Variants in ABCD4 observed in about 807,000 individuals in gnomAD.
ABCD4 encodes the protein ATP binding cassette subfamily D member 4.
Under a neutral mutation model 86.3 loss-of-function variants are expected in ABCD4, and 53 were observed. The ratio of observed to expected loss-of-function variants is 0.61; its 90% confidence interval spans 0.49 to 0.77. The LOEUF (loss-of-function observed/expected upper bound fraction) is 0.77, where lower values mean the gene tolerates loss of function less well. Among genes scored for constraint, ABCD4 ranks in the 30% least tolerant of loss-of-function variants. The probability of loss-of-function intolerance (pLI) is 0.00; values close to 1 mark genes in which losing one functional copy is unlikely to be tolerated. For missense variants in ABCD4, 757 were observed against 764.5 expected, an observed-to-expected ratio of 0.99 and a Z score of 0.12; for synonymous variants, 328 against 313.6, an observed-to-expected ratio of 1.05 and a Z score of -0.49.
chr14:74,299,558 A>G lies in ABCD4; in HGVS notation c.275T>C (p.Leu92Pro). 1 of 1,613,768 alleles carries G rather than the reference A, an allele frequency of 6.2e-7. No homozygotes were observed. The highest frequency in any genetic ancestry group is 8.5e-7 in the Non-Finnish European group (1 of 1,179,764). Residue 92 changes from leucine to proline, a missense_variant, in exon 3 of 19, where the codon CTG becomes CCG. By Grantham distance (98) the Leu-to-Pro change is moderately conservative. Transcript: ENST00000356924. ...LTFLAVMLIV[L>P]NSTLKSFDQF... ...AGGGAAAGATCTTACCGTGGAGTTCAGAACAATGAGCATGACAGCCAGGAA... is the reference window on the plus strand; with the variant it reads ...AGGGAAAGATCTTACCGTGGAGTTCGGAACAATGAGCATGACAGCCAGGAA...
rs904522797 is a variant in ABCD4 at position 74,293,176 on chromosome 14, C to T, written c.792G>A (p.Met264Ile). The T allele has an allele frequency of 3.7e-6, 6 of 1,614,036 alleles. No homozygotes were observed. The African/African-American group carries it at 6.7e-5, about 18-fold the overall frequency. Residue 264 changes from methionine to isoleucine, a missense_variant, in exon 8 of 19, where the codon ATG becomes ATA. Physicochemically the swap from Met to Ile is conservative, Grantham distance 10 (BLOSUM62 1). Coordinates refer to ENST00000356924, the MANE Select transcript of ABCD4 (RefSeq NM_005050.4). Reference sequence around the variant, plus strand: ...TACTGTACAGCCAGAGCTCCTTGGACATCAGCTCCCTCTGGGTCTGAAGGA... The same window carrying T: ...TACTGTACAGCCAGAGCTCCTTGGATATCAGCTCCCTCTGGGTCTGAAGGA... Reference protein sequence around the residue: ...QRLLQTQRELMSKELWLYIGI... With the variant: ...QRLLQTQRELISKELWLYIGI...
In ABCD4 at chr14:74,292,875, G is replaced by GA; in HGVS notation, c.815-7dup. On this transcript the variant is annotated splice_region_variant and splice_polypyrimidine_tract_variant and intron_variant, in intron 8 of 18. Transcript: ENST00000356924. ...GTCAAAGGTGTTGATGCCGACTGTAGAAAACACATCTGTGAGACACCCAGG... is the reference window on the plus strand; with the variant it reads ...GTCAAAGGTGTTGATGCCGACTGTAGAAAAACACATCTGTGAGACACCCAGG... 6 of 1,614,118 alleles carry GA rather than the reference G, an allele frequency of 3.7e-6. No homozygotes were observed. The highest frequency in any genetic ancestry group is 4.2e-6 in the Non-Finnish European group (5 of 1,180,038).
chr14:74,287,821 G>A lies in ABCD4; in HGVS notation c.1625C>T (p.Pro542Leu), dbSNP rs1178058556. The change falls in exon 17 of 19, where the codon CCG (proline) becomes CTG (leucine). Residue 542 changes from proline to leucine, a missense_variant. Pro to Leu is a moderately conservative substitution (Grantham distance 98, BLOSUM62 -3). Transcript: ENST00000356924. ...LSFARLFYLQPKYAVLDEATS... is the reference protein window; with the variant it reads ...LSFARLFYLQLKYAVLDEATS... ...AGGCGAGACCTCACCTGCGTACTTC[G>A]GCTGCAGGTAGAAGAGTCGGGCAAA... is the stretch of plus-strand genomic sequence containing the variant. 6 of 1,612,054 alleles carry A rather than the reference G, an allele frequency of 3.7e-6. No individual in the cohort carries two copies. In the Admixed American group the frequency reaches 6.7e-5, roughly 18 times the overall value.
chr14:74,295,818 G>GC, intron 6 of ABCD4, 36 bp downstream of exon 6: 2 of 1,611,460 alleles, frequency 1.2e-6, no homozygotes, highest in Non-Finnish European at 8.5e-7. Flanking sequence ...TAACTATTAT[G>GC]CCCCAGCCCA....
chr14:74,297,747 A>G (rs544721798), intron 4 of ABCD4, 183 bp downstream of exon 4: 1 of 1,330,658 alleles, frequency 7.5e-7, no homozygotes, highest in African/African-American at 1.5e-5. Flanking sequence ...TTAGCTGCCT[A>G]TTCACAGCCC....
intron 1 of ABCD4, among the ~76,000 whole-genome samples, chr14:74,301,445 C>G (rs953679334): frequency 8.3e-5 from 11 of 132,746 alleles, no homozygotes; most frequent in African/African-American, 3.6e-4. Context: ...CAGGTGTGAG[C>G]CACCGGGCAT....
chr14:74,287,008 G>A (rs991601809), intron 17 of ABCD4, among the ~76,000 whole-genome samples, 192 bp from the exon 18 acceptor site: 2 of 152,192 alleles, frequency 1.3e-5, no homozygotes, highest in Non-Finnish European at 2.9e-5. Flanking sequence ...GGAATAGCCT[G>A]TGAGCAGCTG....
chr14:74,302,558 A>T (rs1437569356), intron 1 of ABCD4, among the ~76,000 whole-genome samples: 2 of 152,314 alleles, frequency 1.3e-5, no homozygotes, highest in East Asian at 1.9e-4. Flanking sequence ...GGTGTCAAGA[A>T]CTGAGAAGGA....
chr14:74,296,322 G>A lies in ABCD4; in HGVS notation c.542+11C>T, dbSNP rs1264510889. ...GGGGAAACACCAGGCTGGGGAGGAGGGAGGCTTCACCTTTGGAAGCACTGG... is the reference window on the plus strand; with the variant it reads ...GGGGAAACACCAGGCTGGGGAGGAGAGAGGCTTCACCTTTGGAAGCACTGG... On this transcript the variant is annotated intron_variant, in intron 5 of 18. Transcript: ENST00000356924. The A allele has an allele frequency of 6.2e-7, 1 of 1,611,630 alleles. No homozygotes were observed. Among genetic ancestry groups the A allele is most frequent in the Non-Finnish European group, 8.5e-7 (1 of 1,177,740 alleles).
rs3742804 is a variant in ABCD4, at chr14:74,286,608, T to C, written c.1753-79A>G. On this transcript the variant is annotated intron_variant, in intron 18 of 18. Transcript: ENST00000356924. Reference sequence around the variant, plus strand: ...GAGGCCACTCGGTTCTCTCTGCTACTGCTACTCCCCGTTTTGAGGGGCCTC... The same window carrying C: ...GAGGCCACTCGGTTCTCTCTGCTACCGCTACTCCCCGTTTTGAGGGGCCTC... The C allele has an allele frequency of 3.9e-4, 636 of 1,611,654 alleles. 5 individuals are homozygous for C. The East Asian group carries it at 0.012, about 31-fold the overall frequency.
chr14:74,293,060 A>G, intron 8 of ABCD4, 94 bp downstream of exon 8: 1 of 1,477,318 alleles, frequency 6.8e-7, no homozygotes. Flanking sequence ...ATCATGGCAC[A>G]TTTATCCTTG....
intron 1 of ABCD4, among the ~76,000 whole-genome samples, chr14:74,301,676 GC>G (rs2140141487): frequency 6.8e-6 from 1 of 147,694 alleles, no homozygotes; most frequent in Admixed American, 6.8e-5. Flanking sequence ...GGAGGCCGAG[GC>G]GGGTGGATCA....
rs146776086 is a variant in ABCD4, at chr14:74,302,266, G to A, written c.38+609C>T. ...TATGCACACAGCACCCCTCATGCAA[G>A]CACTCAGAAGTGAAAACAAGATGAC... is the stretch of plus-strand genomic sequence containing the variant. On this transcript the variant is annotated intron_variant, in intron 1 of 18. Transcript: ENST00000356924. Among the ~76,000 whole-genome samples the A allele has an allele frequency of 2.4e-4, 37 of 152,268 alleles. No individual in the cohort carries two copies. The East Asian group carries it at 6.9e-3, about 29-fold the overall frequency.
chr14:74,295,164 G>A lies in ABCD4; in HGVS notation c.703C>T (p.Pro235Ser), dbSNP rs1363510536. The A allele has an allele frequency of 2.5e-6, 4 of 1,614,082 alleles. No individual in the cohort carries two copies. In the East Asian group the frequency reaches 8.9e-5, roughly 36 times the overall value. The change falls in exon 7 of 19, where the codon CCT becomes TCT. Residue 235 changes from proline (P) to serine (S), a missense_variant. Physicochemically the swap from Pro to Ser is moderately conservative, Grantham distance 74 (BLOSUM62 -1). Coordinates refer to ENST00000356924, the MANE Select transcript of ABCD4 (RefSeq NM_005050.4). ...CAGACTCACCTGTAGAAAGCAGCAGGCTCCGCATTCACCCGAATCTGCATG... is the reference window on the plus strand; with the variant it reads ...CAGACTCACCTGTAGAAAGCAGCAGACTCCGCATTCACCCGAATCTGCATG... Reference protein sequence around the residue: ...KHMQIRVNAEPAAFYRAGHVE... With the variant: ...KHMQIRVNAESAAFYRAGHVE...
chr14:74,299,792 T>C (rs1190017418), intron 2 of ABCD4, 117 bp from the exon 3 acceptor site: 1 of 1,050,498 alleles, frequency 9.5e-7, no homozygotes, highest in African/African-American at 1.6e-5. Flanking sequence ...CCGGGCGCGG[T>C]GGCTCACGCC....
intron 18 of ABCD4, 82 bp downstream of exon 18, chr14:74,286,619 G>A (rs1021474147): frequency 1.2e-5 from 19 of 1,612,126 alleles, no homozygotes; most frequent in African/African-American, 4.0e-5. Context: ...GCTACTCCCC[G>A]TTTTGAGGGG....
chr14:74,297,838 T>C (rs2083265239), intron 4 of ABCD4, 92 bp downstream of exon 4: 1 of 1,493,678 alleles, frequency 6.7e-7, no homozygotes, highest in African/African-American at 1.4e-5. Flanking sequence ...CTGCAGATGA[T>C]CTCCTTGGTG....
chr14:74,299,732 C>T (rs966466014), intron 2 of ABCD4, 57 bp from the exon 3 acceptor site: 3 of 1,551,902 alleles, frequency 1.9e-6, no homozygotes, highest in South Asian at 1.2e-5. Flanking sequence ...AGAAGGGAGG[C>T]TTCTTCCTGA....
chr14:74,300,264 T>A lies in ABCD4; in HGVS notation c.43A>T (p.Arg15Trp), dbSNP rs1214695760. The change falls in exon 2 of 19, where the codon AGG becomes TGG. Residue 15 changes from arginine (R) to tryptophan (W), a missense_variant. Transcript: ENST00000356924. ...CGCTGGAGAAATTGCAGATCTAACC[T>A]GGGCCTGAAGAGAAGGTGGGGAGGC... Reference protein sequence around the residue: ...GPAPGAGARPRLDLQFLQRFL... With the variant: ...GPAPGAGARPWLDLQFLQRFL... 2 of 1,610,186 alleles carry A rather than the reference T, an allele frequency of 1.2e-6. No individual in the cohort carries two copies. Among genetic ancestry groups the A allele is most frequent in the Non-Finnish European group, 1.7e-6 (2 of 1,176,800 alleles).
Sources: gnomAD v4.1 joint callset for allele counts (sites outside exome capture counted in the v4.1 genomes callset) on GRCh38, gnomAD v4.1.1 for gene constraint, MANE v1.5 for transcripts, NCBI Gene and HGNC (gene_info 2026-07-23, HGNC 2026-07-21) for gene names.